PCDHA1: variants seen among roughly 807,000 people sequenced by gnomAD.
The protein encoded by PCDHA1 is protocadherin alpha 1.
A neutral mutation model predicts 61.3 loss-of-function variants in PCDHA1; 42 were observed. That is an observed-to-expected ratio of 0.69 (90% CI 0.54 to 0.89). The LOEUF is 0.89. Ranked by LOEUF, PCDHA1 falls within the 40% of genes least tolerant of loss-of-function variation. The pLI is 0.00. For synonymous variants in PCDHA1, 610 were observed against 553.8 expected, an observed-to-expected ratio of 1.10 and a Z score of -1.43; for missense variants, 1,256 against 1,235.3, an observed-to-expected ratio of 1.02 and a Z score of -0.25.
At chr5:140,796,747 C>A in intron 1 of PCDHA1, 4 of 1,614,134 alleles carry the variant, frequency 2.5e-6, no homozygotes, top group Non-Finnish European at 3.4e-6. Context: ...GGCGAAGGTG[C>A]GCGCAGTGGA....
rs1554117648 is a variant in PCDHA1, at chr5:140,787,052, T to G, written c.762T>G (p.Thr254=). The change falls in exon 1 of 4, where the codon ACT becomes ACG. Residue 254 remains threonine (T), a synonymous_variant. Coordinates refer to ENST00000504120, the MANE Select transcript of PCDHA1 (RefSeq NM_018900.4). ...TATACAGAGTCCACTTGTTAGAGAC[T>G]ACAGCAAATGGAACATTAGTGACCA... The part of the protein sequence containing the change: ...QAVYRVHLLE[T]TANGTLVTTL... 1 of 1,614,106 alleles carries G rather than the reference T, an allele frequency of 6.2e-7. No individual in the cohort carries two copies. Among genetic ancestry groups the G allele is most frequent in the East Asian group, 2.2e-5 (1 of 44,906 alleles).
intron 3 of PCDHA1, among the ~76,000 whole-genome samples, chr5:140,995,267 C>A (rs552857413): frequency 6.6e-6 from 1 of 152,074 alleles, no homozygotes; most frequent in Admixed American, 6.5e-5. Context: ...GAATACAAGC[C>A]CTTTGATACC....
chr5:140,842,916 A>G, intron 1 of PCDHA1: 1 of 1,594,694 alleles, frequency 6.3e-7, no homozygotes, highest in South Asian at 1.1e-5. Context: ...GAGCTGCTGC[A>G]GTTCCAGGTG....
chr5:140,983,334 T>A (rs1314550664), intron 3 of PCDHA1, among the ~76,000 whole-genome samples: 1 of 152,234 alleles, frequency 6.6e-6, no homozygotes, highest in African/African-American at 2.4e-5. Context: ...GCCCTATCAC[T>A]AAAGCAGGGT....
At chr5:140,951,597 C>T (rs1445745403) in intron 1 of PCDHA1, among the ~76,000 whole-genome samples, 1 of 152,098 alleles carries the variant, frequency 6.6e-6, no homozygotes, top group East Asian at 1.9e-4. Flanking sequence ...ATCTCTCTCA[C>T]TGTTATGAGA....
At chr5:140,974,690 T>G (rs2096636717) in intron 1 of PCDHA1, among the ~76,000 whole-genome samples, 4 of 152,236 alleles carry the variant, frequency 2.6e-5, no homozygotes, top group Admixed American at 2.6e-4. Context: ...TTTGTATTTT[T>G]GGGTTTCACC....
chr5:140,918,502 C>A (rs1480204800), intron 1 of PCDHA1, among the ~76,000 whole-genome samples: 1 of 152,040 alleles, frequency 6.6e-6, no homozygotes, highest in Non-Finnish European at 1.5e-5. Context: ...TGGTACCAAT[C>A]CTTTTAAACT....
At chr5:140,828,077 C>G (rs2150150614) in intron 1 of PCDHA1, 2 of 1,577,254 alleles carry the variant, frequency 1.3e-6, no homozygotes, top group South Asian at 1.2e-5. Context: ...GGAAATAAAA[C>G]CAGAGGTATT....
At chr5:140,871,425 T>A (rs782021225) in intron 1 of PCDHA1, 7 of 1,613,404 alleles carry the variant, frequency 4.3e-6, no homozygotes, top group Admixed American at 3.3e-5. Flanking sequence ...TCAGCCCCAG[T>A]CTTCCTCTAG....
At chr5:140,874,436 C>T (rs1407636354) in intron 1 of PCDHA1, among the ~76,000 whole-genome samples, 3 of 152,286 alleles carry the variant, frequency 2.0e-5, no homozygotes, top group East Asian at 3.9e-4. Flanking sequence ...GAAGCATGTC[C>T]TAACTACTAA....
chr5:140,915,626 GTCTC>G (rs57920489), intron 1 of PCDHA1, among the ~76,000 whole-genome samples: 182 of 146,478 alleles, frequency 1.2e-3, no homozygotes, highest in East Asian at 9.3e-3. Flanking sequence ...GTCTCTTTCT[GTCTC>G]TCTCTCTCTC....
intron 1 of PCDHA1, chr5:140,852,548 T>C: frequency 3.3e-6 from 2 of 614,864 alleles, no homozygotes; most frequent in South Asian, 7.0e-5. Context: ...AGTGCTGGGA[T>C]TAAAGCTGTG....
At chr5:140,876,945 C>T (rs1405794987) in intron 1 of PCDHA1, 2 of 1,613,474 alleles carry the variant, frequency 1.2e-6, no homozygotes, top group East Asian at 2.2e-5. Flanking sequence ...CGCTGGTGTC[C>T]TACTCGCTGG....
intron 3 of PCDHA1, among the ~76,000 whole-genome samples, chr5:141,005,884 T>G (rs1554260408): frequency 6.6e-6 from 1 of 151,862 alleles, no homozygotes; most frequent in Non-Finnish European, 1.5e-5. Flanking sequence ...GAGTTTGAGG[T>G]TACATCAAGC....
At chr5:140,882,940 C>T (rs1554176179) in intron 1 of PCDHA1, 2 of 1,614,208 alleles carry the variant, frequency 1.2e-6, no homozygotes, top group Admixed American at 3.3e-5. Flanking sequence ...AGCTGACTGG[C>T]ACAGTTCAGC....
Position 140,807,662 on chromosome 5 carries a change from G to A in PCDHA1, c.2394+18978G>A, listed in dbSNP as rs782724169. The A allele has an allele frequency of 6.2e-6, 10 of 1,614,236 alleles. No individual in the cohort carries two copies. The Admixed American group carries it at 1.2e-4, about 19-fold the overall frequency. On this transcript the variant is annotated intron_variant, in intron 1 of 3. Coordinates refer to ENST00000504120, the MANE Select transcript of PCDHA1 (RefSeq NM_018900.4). ...TCGGTTTCCACTAGAGGGCGCCTCG[G>A]ATGCAGATATCGGGGAGAACGCCCT...
chr5:140,823,587 T>G (rs2150127210), intron 1 of PCDHA1: 9 of 1,613,996 alleles, frequency 5.6e-6, no homozygotes, highest in East Asian at 2.2e-5. Context: ...GCTACAACGC[T>G]TGGCTTTCGT....
At chr5:140,843,429 C>T (rs2150359763) in intron 1 of PCDHA1, 1 of 1,596,144 alleles carries the variant, frequency 6.3e-7, no homozygotes, top group Non-Finnish European at 8.6e-7. Context: ...CTGATCATCG[C>T]CATCTGCGCG....
At chr5:140,877,522 G>T in intron 1 of PCDHA1, 1 of 1,613,798 alleles carries the variant, frequency 6.2e-7, no homozygotes, top group Non-Finnish European at 8.5e-7. Context: ...GCGGGCCTCA[G>T]TGGGCGCTGT....
Sources: allele counts gnomAD v4.1 joint callset (sites outside exome capture counted in the v4.1 genomes callset), GRCh38; gene constraint gnomAD v4.1.1; transcripts MANE v1.5; gene names NCBI Gene and HGNC (gene_info 2026-07-23, HGNC 2026-07-21).